The following ADGRA3 variants were observed in gnomAD, a reference collection of about 807,000 sequenced individuals.
ADGRA3 encodes the protein G-protein coupled receptor 125.
A neutral mutation model predicts 119.8 loss-of-function variants in ADGRA3; 56 were observed. That is an observed-to-expected ratio of 0.47 (90% confidence interval 0.38 to 0.58). ADGRA3 has a LOEUF of 0.58. Ranked by LOEUF, ADGRA3 falls within the 20% of genes least tolerant of loss-of-function variation. ADGRA3 has a pLI of 0.00. For synonymous variants in ADGRA3, 607 were observed against 623.8 expected (o/e 0.97, Z 0.40); for missense variants, 1,516 against 1,649.0 (o/e 0.92, Z 1.40).
intron 3 of ADGRA3, among the ~76,000 whole-genome samples, chr4:22,457,816 A>G (rs865788268): frequency 6.6e-6 from 1 of 152,154 alleles, no homozygotes; most frequent in Non-Finnish European, 1.5e-5. Flanking sequence ...TCTTCAAAGT[A>G]TATCTCAGCA....
At position 22,421,065 on chromosome 4, in the gene ADGRA3, C is replaced by A. The variant is rs1479232242; in HGVS notation, c.1630G>T (p.Ala544Ser). ...STYSPNIALE[A>S]YVIKSTGFTG... ...AAGCCAGTAGACTTGATGACATAAG[C>A]TTCCAGAGCAATATTGGGTGAATAC... Residue 544 changes from alanine (A) to serine (S), a missense_variant, in exon 12 of 19, where the codon GCT becomes TCT. Ala to Ser is a moderately conservative substitution (Grantham distance 99). This residue lies in a region of ADGRA3 where 1,088 missense variants were observed against 1,107.1 expected (regional missense o/e 0.98). Transcript: ENST00000334304. 1 of 1,613,766 alleles carries A rather than the reference C, an allele frequency of 6.2e-7. No individual in the cohort carries two copies. Among genetic ancestry groups the A allele is most frequent in the African/African-American group, 1.3e-5 (1 of 74,864 alleles).
chr4:22,489,881 G>A (rs1408999383), intron 1 of ADGRA3, among the ~76,000 whole-genome samples: 1 of 152,102 alleles, frequency 6.6e-6, no homozygotes, highest in African/African-American at 2.4e-5. Context: ...ATACTATAAG[G>A]TCACAATACA....
intron 14 of ADGRA3, among the ~76,000 whole-genome samples, chr4:22,409,035 A>G (rs1266606980): frequency 6.6e-6 from 1 of 152,226 alleles, no homozygotes; most frequent in African/African-American, 2.4e-5. Flanking sequence ...ACTAAAGTCT[A>G]AAAACAGGCC....
At chr4:22,397,518 G>C (rs1158371374) in intron 16 of ADGRA3, among the ~76,000 whole-genome samples, 2 of 152,088 alleles carry the variant, frequency 1.3e-5, no homozygotes, top group African/African-American at 4.8e-5. Context: ...TAGTTAAACA[G>C]TAAATCATAA....
chr4:22,391,475 G>A (rs1046545034), intron 17 of ADGRA3, among the ~76,000 whole-genome samples: 1 of 152,054 alleles, frequency 6.6e-6, no homozygotes, highest in African/African-American at 2.4e-5. Flanking sequence ...ATCAATCCTA[G>A]AGAAACTGCC....
intron 1 of ADGRA3, among the ~76,000 whole-genome samples, chr4:22,514,295 T>G (rs1719562147): frequency 6.6e-6 from 1 of 152,098 alleles, no homozygotes; most frequent in South Asian, 2.1e-4. Flanking sequence ...CACCACCACA[T>G]GGTAACGTGT....
chr4:22,423,398 C>G (rs1206298283), intron 11 of ADGRA3, among the ~76,000 whole-genome samples: 2 of 151,998 alleles, frequency 1.3e-5, no homozygotes, highest in African/African-American at 4.8e-5. Context: ...TGTGTAAAAT[C>G]ACAGGAGGAA....
At chr4:22,473,979 AAAGT>A in intron 1 of ADGRA3, 136 bp from the exon 2 acceptor site, 1 of 508,622 alleles carries the variant, frequency 2.0e-6, no homozygotes, top group Non-Finnish European at 3.5e-6. Context: ...TGGCTGAAAA[AAAGT>A]GAGTGTCTTC....
At chr4:22,469,920 C>T (rs762615408) in intron 2 of ADGRA3, among the ~76,000 whole-genome samples, 1 of 152,180 alleles carries the variant, frequency 6.6e-6, no homozygotes, top group Non-Finnish European at 1.5e-5. Context: ...ACTTGGTATC[C>T]TCTTACACAT....
At chr4:22,472,629 A>T (rs909670591) in intron 2 of ADGRA3, among the ~76,000 whole-genome samples, 1 of 152,204 alleles carries the variant, frequency 6.6e-6, no homozygotes. Context: ...AGACACGCAT[A>T]AAGAAATGAA....
Position 22,387,849 on chromosome 4 carries a change from A to T in ADGRA3, c.3822T>A (p.Leu1274=), listed in dbSNP as rs1713906349. The T allele has an allele frequency of 1.2e-6, 2 of 1,614,106 alleles. No individual in the cohort carries two copies. The highest frequency in any genetic ancestry group is 1.7e-6 in the Non-Finnish European group (2 of 1,179,990). Reference sequence around the variant, plus strand: ...GGCCATAAGATTTTTGCTGATTTTCAAGTTCAACCACAGCTGGCTTCCTTA... The same window carrying T: ...GGCCATAAGATTTTTGCTGATTTTCTAGTTCAACCACAGCTGGCTTCCTTA... ...DALRKPAVVE[L]ENQQKSYGLN... The change falls in exon 19 of 19, where the codon CTT becomes CTA. Residue 1274 remains leucine, a synonymous_variant. Transcript: ENST00000334304.
At chr4:22,500,320 T>C (rs1425006280) in intron 1 of ADGRA3, among the ~76,000 whole-genome samples, 1 of 152,236 alleles carries the variant, frequency 6.6e-6, no homozygotes, top group East Asian at 1.9e-4. Context: ...GAAGATAATT[T>C]ACTTGTCCAG....
chr4:22,403,399 A>G (rs771772775), intron 14 of ADGRA3, among the ~76,000 whole-genome samples: 3 of 152,016 alleles, frequency 2.0e-5, no homozygotes, highest in Non-Finnish European at 4.4e-5. Flanking sequence ...AGATAAGTCA[A>G]GCACAATTAC....
intron 12 of ADGRA3, among the ~76,000 whole-genome samples, chr4:22,417,991 C>G (rs1244199276): frequency 1.3e-5 from 2 of 152,112 alleles, no homozygotes; most frequent in Non-Finnish European, 2.9e-5. Context: ...ATTATTTCTC[C>G]TTTTTGGCTA....
chr4:22,465,649 G>A (rs1453618324), intron 2 of ADGRA3, among the ~76,000 whole-genome samples: 1 of 152,162 alleles, frequency 6.6e-6, no homozygotes, highest in African/African-American at 2.4e-5. Flanking sequence ...CACCCTAGGA[G>A]GCAGTGTCAT....
chr4:22,455,648 A>G (rs1410587013), intron 3 of ADGRA3, among the ~76,000 whole-genome samples: 1 of 152,210 alleles, frequency 6.6e-6, no homozygotes, highest in Non-Finnish European at 1.5e-5. Context: ...ACCTATGTAA[A>G]AGTTTTAGTT....
chr4:22,484,546 C>T (rs887313338), intron 1 of ADGRA3, among the ~76,000 whole-genome samples: 5 of 149,658 alleles, frequency 3.3e-5, no homozygotes, highest in South Asian at 2.1e-4. Flanking sequence ...TGGAGGTTGC[C>T]GTGAGCTGAG....
intron 3 of ADGRA3, among the ~76,000 whole-genome samples, chr4:22,460,260 T>C (rs562521463): frequency 6.6e-6 from 1 of 152,296 alleles, no homozygotes; most frequent in Non-Finnish European, 1.5e-5. Context: ...GACTGAAGGG[T>C]AGCAGAACAT....
chr4:22,414,883 T>C (rs1446169306), intron 12 of ADGRA3, among the ~76,000 whole-genome samples: 1 of 152,128 alleles, frequency 6.6e-6, no homozygotes, highest in Non-Finnish European at 1.5e-5. Flanking sequence ...CACAAACTTT[T>C]GAATTGGTGT....
Sources: allele counts gnomAD v4.1 joint callset (sites outside exome capture counted in the v4.1 genomes callset), GRCh38; gene constraint gnomAD v4.1.1; regional missense constraint gnomAD v4.1.1; transcripts MANE v1.5; gene names NCBI Gene and HGNC (gene_info 2026-07-23, HGNC 2026-07-21).